Variants in ZC2HC1B observed in about 807,000 individuals in gnomAD.
ZC2HC1B encodes zinc finger C2HC domain-containing protein 1B.
Under a neutral mutation model 31.0 loss-of-function variants are expected in ZC2HC1B, and 36 were observed. The ratio of observed to expected loss-of-function variants is 1.16; its 90% confidence interval spans 0.89 to 1.54. ZC2HC1B has a LOEUF of 1.54. Ranked by LOEUF, ZC2HC1B falls within the 40% of genes most tolerant of loss-of-function variation. The probability of loss-of-function intolerance (pLI) is 0.00; values close to 1 mark genes in which losing one functional copy is unlikely to be tolerated. For synonymous variants in ZC2HC1B, 73 were observed against 88.0 expected, an observed-to-expected ratio of 0.83 and a Z score of 0.95; for missense variants, 260 against 268.6, an observed-to-expected ratio of 0.97 and a Z score of 0.22.
chr6:143,931,815 T>A (rs1778123293), intron 6 of ZC2HC1B, among the ~76,000 whole-genome samples: 1 of 149,980 alleles, frequency 6.7e-6, no homozygotes, highest in African/African-American at 2.4e-5. Flanking sequence ...TAGGTGATTA[T>A]TTTTTGTGAT....
In ZC2HC1B at chr6:143,877,621, AT is replaced by A. The variant is rs111286718; in HGVS notation, c.29-6673del. Among the ~76,000 whole-genome samples the A allele has an allele frequency of 1.0e-4, 15 of 145,196 alleles. 1 individual carries two copies. Among genetic ancestry groups the A allele is most frequent in the Admixed American group, 2.0e-4 (3 of 14,676 alleles). ...TTCTAAGAGTTATAATTTTCCTTTA[AT>A]TTTTTTTTTGTCTGTTTTGGACTTA... On this transcript the variant is annotated intron_variant, in intron 1 of 7. Transcript: ENST00000237275.
At position 143,911,726 on chromosome 6, in the gene ZC2HC1B, G is replaced by A. The variant is rs1236944671; in HGVS notation, c.598+8574G>A. On this transcript the variant is annotated intron_variant, in intron 6 of 7. Transcript: ENST00000237275. The surrounding 1 kb of genome is among the most constrained non-coding windows in gnomAD (Gnocchi z 4.5). ...TTTTTTCTTTCATTTCAATCTTGAA[G>A]AATCTGATTATTATGTGTCTTGGGG... Among the ~76,000 whole-genome samples the A allele has an allele frequency of 6.6e-6, 1 of 152,058 alleles. No homozygotes were observed. Among genetic ancestry groups the A allele is most frequent in the Admixed American group, 6.6e-5 (1 of 15,250 alleles).
chr6:143,917,505 G>A lies in ZC2HC1B; in HGVS notation c.598+14353G>A, dbSNP rs1777933184. 1.3e-5 allele frequency among the ~76,000 whole-genome samples: 2 copies of A among 152,018 alleles called. No individual in the cohort carries two copies. The highest frequency in any genetic ancestry group is 2.1e-4 in the South Asian group (1 of 4,822). The stretch of plus-strand genomic sequence containing the variant: ...CACATTCTCATTTGAATTTATTCCA[G>A]CTTATCTTCATAACATACAATAACT... On this transcript the variant is annotated intron_variant, in intron 6 of 7. Transcript: ENST00000237275. The surrounding 1 kb of genome is among the most constrained non-coding windows in gnomAD (Gnocchi z 4.1).
rs7774195 is a variant in ZC2HC1B at position 143,934,358 on chromosome 6, T to G, written c.599-3291T>G. Among the ~76,000 whole-genome samples the G allele has an allele frequency of 2.6e-4, 39 of 152,016 alleles. No homozygotes were observed. The highest frequency in any genetic ancestry group is 2.1e-3 in the Admixed American group (32 of 15,286). On this transcript the variant is annotated intron_variant, in intron 6 of 7. Transcript: ENST00000237275. The surrounding 1 kb of genome is among the most constrained non-coding windows in gnomAD (Gnocchi z 4.6). ...TTCTGTCCATCCAAGTGGGAGCTACTTATCAGCCCTGTCCCCTATCTGCCA... is the reference window on the plus strand; with the variant it reads ...TTCTGTCCATCCAAGTGGGAGCTACGTATCAGCCCTGTCCCCTATCTGCCA...
intron 4 of ZC2HC1B, among the ~76,000 whole-genome samples, chr6:143,889,497 T>C (rs754629084): frequency 1.2e-4 from 19 of 152,012 alleles, no homozygotes; most frequent in Non-Finnish European, 2.5e-4. Flanking sequence ...CGGGAAAAGA[T>C]ATACATGCAG....
At chr6:143,909,898 T>C (rs892697759) in intron 6 of ZC2HC1B, among the ~76,000 whole-genome samples, 3 of 152,194 alleles carry the variant, frequency 2.0e-5, no homozygotes, top group African/African-American at 7.2e-5. Context: ...TTGTTTTGTT[T>C]GTTTTTACCT....
Position 143,918,375 on chromosome 6 carries a change from G to GAAT in ZC2HC1B, c.598+15225_598+15227dup, listed in dbSNP as rs1398384500. Among the ~76,000 whole-genome samples, 3 of 152,174 alleles carry GAAT rather than the reference G, an allele frequency of 2.0e-5. No individual in the cohort carries two copies. The highest frequency in any genetic ancestry group is 2.9e-5 in the Non-Finnish European group (2 of 68,002). The stretch of plus-strand genomic sequence containing the variant: ...GACAGTTTTTTTCTTTTACCACTTT[G>GAAT]AATATGTTGGCCCACTGTGTTTCAT... On this transcript the variant is annotated intron_variant, in intron 6 of 7. Transcript: ENST00000237275. This position sits in a 1 kb window ranked among gnomAD's most constrained non-coding sequence, Gnocchi z 4.1.
chr6:143,924,639 T>C lies in ZC2HC1B; in HGVS notation c.599-13010T>C, dbSNP rs1778014473. 6.6e-6 allele frequency among the ~76,000 whole-genome samples: 1 copy of C among 152,230 alleles called. No homozygotes were observed. Among genetic ancestry groups the C allele is most frequent in the Non-Finnish European group, 1.5e-5 (1 of 68,042 alleles). Reference sequence around the variant, plus strand: ...TCTCCCCACTCAGTATTATGTTAGCTATGCATTTGTCAGATATGACCTTTA... The same window carrying C: ...TCTCCCCACTCAGTATTATGTTAGCCATGCATTTGTCAGATATGACCTTTA... On this transcript the variant is annotated intron_variant, in intron 6 of 7. Coordinates refer to ENST00000237275, the MANE Select transcript of ZC2HC1B (RefSeq NM_001013623.3). This position sits in a 1 kb window ranked among gnomAD's most constrained non-coding sequence, Gnocchi z 5.2.
intron 1 of ZC2HC1B, among the ~76,000 whole-genome samples, chr6:143,866,325 T>C (rs1211301895): frequency 1.3e-5 from 2 of 152,198 alleles, no homozygotes; most frequent in Non-Finnish European, 2.9e-5. Context: ...CAGAATACTT[T>C]CCATTAGCCC....
chr6:143,900,245 C>T (rs1393594006), intron 5 of ZC2HC1B, among the ~76,000 whole-genome samples: 4 of 151,802 alleles, frequency 2.6e-5, no homozygotes, highest in Non-Finnish European at 5.9e-5. Context: ...CAAAATCAGC[C>T]GTGTGTGGTG....
chr6:143,871,630 G>A lies in ZC2HC1B; in HGVS notation c.28+7063G>A, dbSNP rs1245298284. Among the ~76,000 whole-genome samples the A allele has an allele frequency of 6.6e-6, 1 of 152,202 alleles. No homozygotes were observed. Among genetic ancestry groups the A allele is most frequent in the Non-Finnish European group, 1.5e-5 (1 of 68,034 alleles). ...AGGCCAAATGGGAGAGTTGAACAGG[G>A]ATGTGGTAGGAATCACCACCCTGAG... On this transcript the variant is annotated intron_variant, in intron 1 of 7. Transcript: ENST00000237275. The surrounding 1 kb of genome is among the most constrained non-coding windows in gnomAD (Gnocchi z 4.1).
chr6:143,935,224 T>G, intron 6 of ZC2HC1B, among the ~76,000 whole-genome samples: 1 of 151,674 alleles, frequency 6.6e-6, no homozygotes, highest in Admixed American at 6.6e-5. Context: ...CTGGTAGGGG[T>G]GGGTAGAAGC....
chr6:143,929,847 C>T (rs1024338425), intron 6 of ZC2HC1B, among the ~76,000 whole-genome samples: 7 of 152,050 alleles, frequency 4.6e-5, no homozygotes, highest in African/African-American at 1.2e-4. Context: ...AAATTTATCC[C>T]CTTCCTCTAA....
At chr6:143,925,275 A>G (rs1342070424) in intron 6 of ZC2HC1B, among the ~76,000 whole-genome samples, 1 of 143,752 alleles carries the variant, frequency 7.0e-6, no homozygotes, top group Admixed American at 7.4e-5. Context: ...TCCCGGGTTC[A>G]CGCCATTCTC....
intron 4 of ZC2HC1B, among the ~76,000 whole-genome samples, chr6:143,893,506 G>T (rs1178806622): frequency 6.6e-6 from 1 of 152,056 alleles, no homozygotes; most frequent in Non-Finnish European, 1.5e-5. Flanking sequence ...GGCAGAGGTT[G>T]CAGTGAGCAG....
At chr6:143,898,463 C>A (rs1162837982) in intron 4 of ZC2HC1B, 89 bp from the exon 5 acceptor site, 1 of 1,442,886 alleles carries the variant, frequency 6.9e-7, no homozygotes, top group African/African-American at 1.4e-5. Context: ...ATCCTTATTT[C>A]ACTTCATGTA....
At chr6:143,919,012 A>G (rs1388002411) in intron 6 of ZC2HC1B, among the ~76,000 whole-genome samples, 3 of 151,700 alleles carry the variant, frequency 2.0e-5, no homozygotes, top group Non-Finnish European at 4.4e-5. Context: ...GTTTAAAAGT[A>G]TTTGTCTAAT....
rs138585817 is a variant in ZC2HC1B at position 143,913,566 on chromosome 6, C to T, written c.598+10414C>T. ...GGATATATGCAGACCACCTACCTTGCCTGTGTTGCAGAAAGACTGGTGTAT... is the reference window on the plus strand; with the variant it reads ...GGATATATGCAGACCACCTACCTTGTCTGTGTTGCAGAAAGACTGGTGTAT... On this transcript the variant is annotated intron_variant, in intron 6 of 7. Transcript: ENST00000237275. This position sits in a 1 kb window ranked among gnomAD's most constrained non-coding sequence, Gnocchi z 5.7. Among the ~76,000 whole-genome samples the T allele has an allele frequency of 2.7e-4, 41 of 152,294 alleles. No individual in the cohort carries two copies. The highest frequency in any genetic ancestry group is 9.6e-4 in the African/African-American group (40 of 41,570).
rs567225443 is a variant in ZC2HC1B, at chr6:143,933,744, T to C, written c.599-3905T>C. On this transcript the variant is annotated intron_variant, in intron 6 of 7. Transcript: ENST00000237275. The surrounding 1 kb of genome is among the most constrained non-coding windows in gnomAD (Gnocchi z 6.4). ...CTGGGACTCAGATCTAGTCCCAGGC[T>C]CTAAGTTTCCCCACTGAGGAAGCAA... Among the ~76,000 whole-genome samples, 1 of 152,124 alleles carries C rather than the reference T, an allele frequency of 6.6e-6. No homozygotes were observed. Among genetic ancestry groups the C allele is most frequent in the African/African-American group, 2.4e-5 (1 of 41,412 alleles).
Sources: gnomAD v4.1 joint callset for allele counts (sites outside exome capture counted in the v4.1 genomes callset) on GRCh38, gnomAD v4.1.1 for gene constraint, Gnocchi (gnomAD v3.1) non-coding constraint, MANE v1.5 for transcripts, NCBI Gene and HGNC (gene_info 2026-07-23, HGNC 2026-07-21) for gene names.